The following BFSP1 variants were observed in gnomAD, a reference collection of about 807,000 sequenced individuals.
BFSP1 encodes beaded filament structural protein 1.
BFSP1 carries 38 observed loss-of-function variants against 43.9 expected under a neutral mutation model. The observed-to-expected ratio is 0.87, with a 90% CI of 0.67 to 1.14. The LOEUF is 1.14. BFSP1 is among the 50% of genes most tolerant of loss of function. The probability of loss-of-function intolerance (pLI) is 0.00; values close to 1 mark genes in which losing one functional copy is unlikely to be tolerated. For missense variants in BFSP1, 850 were observed against 875.1 expected, an observed-to-expected ratio of 0.97 and a Z score of 0.36; for synonymous variants, 352 against 354.8, an observed-to-expected ratio of 0.99 and a Z score of 0.09.
At chr20:17,537,233 A>C (rs1332502770) in intron 1 of BFSP1, among the ~76,000 whole-genome samples, 4 of 152,192 alleles carry the variant, frequency 2.6e-5, no homozygotes, top group Non-Finnish European at 5.9e-5. Context: ...AGCCATGGAA[A>C]GTGACAGCCC....
chr20:17,527,138 G>A (rs1366813010), intron 1 of BFSP1, among the ~76,000 whole-genome samples: 1 of 152,250 alleles, frequency 6.6e-6, no homozygotes. Flanking sequence ...AACCATCTGC[G>A]AAGCTGAGTT....
chr20:17,519,619 T>C (rs2123505125), intron 2 of BFSP1, among the ~76,000 whole-genome samples: 1 of 152,382 alleles, frequency 6.6e-6, no homozygotes, highest in East Asian at 1.9e-4. Context: ...CCTGTCATTC[T>C]TCCCCACCTC....
At chr20:17,541,546 C>A (rs1293459003) in intron 1 of BFSP1, among the ~76,000 whole-genome samples, 1 of 152,096 alleles carries the variant, frequency 6.6e-6, no homozygotes, top group Admixed American at 6.6e-5. Flanking sequence ...AACAGTGCAC[C>A]AGTCAGCAGA....
chr20:17,494,234 G>T lies in BFSP1; in HGVS notation c.1838C>A (p.Pro613His). The T allele has an allele frequency of 6.2e-7, 1 of 1,614,146 alleles. No homozygotes were observed. The highest frequency in any genetic ancestry group is 8.5e-7 in the Non-Finnish European group (1 of 1,180,046). The change falls in exon 8 of 8, where the codon CCT becomes CAT. Residue 613 changes from proline to histidine, a missense_variant. Coordinates refer to ENST00000377873, the MANE Select transcript of BFSP1 (RefSeq NM_001195.5). ...TRSRSLPEKGPPKALAYKTVE... is the reference protein window; with the variant it reads ...TRSRSLPEKGHPKALAYKTVE... ...TGTCTTATAGGCCAAAGCCTTGGGA[G>T]GGCCTTTTTCTGGCAGGCTTCTGCT...
In BFSP1 at chr20:17,531,161, G is replaced by A. The variant is rs1469405391; in HGVS notation, c.169C>T (p.Arg57Trp). 1 of 1,298,226 alleles carries A rather than the reference G, an allele frequency of 7.7e-7. No individual in the cohort carries two copies. Among genetic ancestry groups the A allele is most frequent in the South Asian group, 2.3e-5 (1 of 43,706 alleles). 80.4% of individuals were successfully genotyped at this position (1,298,226 alleles called of 1,614,324 possible). Reference protein sequence around the residue: ...LGERVAAHVQRARALEQRHAG... With the variant: ...LGERVAAHVQWARALEQRHAG... The stretch of plus-strand genomic sequence containing the variant: ...TGGCGCTGCTCGAGGGCGCGGGCCC[G>A]CTGGACGTGGGCGGCCACGCGCTCG... The change falls in exon 1 of 8, where the codon CGG becomes TGG. Residue 57 changes from arginine to tryptophan, a missense_variant. Arg to Trp is a moderately radical substitution (Grantham distance 101). Transcript: ENST00000377873.
Position 17,494,933 on chromosome 20 carries a change from T to A in BFSP1, c.1139A>T (p.Asp380Val). ...VPRRKEIITK[D>V]KTNGALEDAP... ...ATCTTCCAGAGCTCCGTTGGTTTTGTCTTTTGTTATAATCTCTTTTCTCCT... is the reference window on the plus strand; with the variant it reads ...ATCTTCCAGAGCTCCGTTGGTTTTGACTTTTGTTATAATCTCTTTTCTCCT... Residue 380 changes from aspartate (D) to valine (V), a missense_variant, in exon 8 of 8, where the codon GAC becomes GTC. By Grantham distance (152) the Asp-to-Val change is radical. Coordinates refer to ENST00000377873, the MANE Select transcript of BFSP1 (RefSeq NM_001195.5). 1 of 1,614,192 alleles carries A rather than the reference T, an allele frequency of 6.2e-7. No individual in the cohort carries two copies. Among genetic ancestry groups the A allele is most frequent in the African/African-American group, 1.3e-5 (1 of 75,046 alleles).
chr20:17,552,422 C>G (rs1045449847), intron 1 of BFSP1, among the ~76,000 whole-genome samples: 2 of 152,138 alleles, frequency 1.3e-5, no homozygotes, highest in African/African-American at 2.4e-5. Flanking sequence ...ACAGATCCCA[C>G]GGGATTTCTA....
chr20:17,553,432 C>T (rs1173553997), intron 1 of BFSP1, among the ~76,000 whole-genome samples: 2 of 152,134 alleles, frequency 1.3e-5, no homozygotes, highest in Admixed American at 6.6e-5. Flanking sequence ...CAATCAACAA[C>T]TTCAACAAAT....
At chr20:17,554,142 A>C (rs1212972312) in intron 1 of BFSP1, among the ~76,000 whole-genome samples, 1 of 152,104 alleles carries the variant, frequency 6.6e-6, no homozygotes, top group African/African-American at 2.4e-5. Flanking sequence ...AGAAAATATA[A>C]AAATTAGTTT....
chr20:17,568,199 G>C (rs574872465), intron 1 of BFSP1, among the ~76,000 whole-genome samples: 2 of 152,246 alleles, frequency 1.3e-5, no homozygotes, highest in African/African-American at 4.8e-5. Flanking sequence ...GGGCCAGACT[G>C]ACCTGCTGAG....
chr20:17,534,862 T>C (rs960578076), upstream of BFSP1, among the ~76,000 whole-genome samples: 4 of 151,658 alleles, frequency 2.6e-5, no homozygotes, highest in African/African-American at 9.7e-5. Context: ...CTACTAATAA[T>C]ACAAAAAATT....
chr20:17,494,633 A>C lies in BFSP1; in HGVS notation c.1439T>G (p.Val480Gly). 1 of 1,614,222 alleles carries C rather than the reference A, an allele frequency of 6.2e-7. No homozygotes were observed. The highest frequency in any genetic ancestry group is 8.5e-7 in the Non-Finnish European group (1 of 1,180,042). ...HVLVTGDANY[V>G]DPRFYVSSIT... is the part of the protein sequence containing the mutation. ...GGAGGAGACATAGAATCTAGGGTCC[A>C]CGTAATTGGCATCCCCTGTGACCAG... The change falls in exon 8 of 8, where the codon GTG becomes GGG. Residue 480 changes from valine (V) to glycine (G), a missense_variant. Transcript: ENST00000377873.
chr20:17,568,930 C>T (rs904899334), intron 1 of BFSP1, among the ~76,000 whole-genome samples: 2 of 152,058 alleles, frequency 1.3e-5, no homozygotes, highest in African/African-American at 4.8e-5. Context: ...CCTTTATTTC[C>T]CACAAAAACA....
In BFSP1 at chr20:17,516,999, G is replaced by T. The variant is rs573764508; in HGVS notation, c.439-2183C>A. ...CTTTGCTAGCAAGCAACTGGAGGAT[G>T]GATGTGCTTTGTCTGACTACAACAT... On this transcript the variant is annotated intron_variant, in intron 2 of 7. Transcript: ENST00000377873. The T allele has an allele frequency of 1.7e-5, 13 of 765,822 alleles. No homozygotes were observed. The African/African-American group carries it at 1.9e-4, about 11-fold the overall frequency. 47.4% of individuals were successfully genotyped at this position (765,822 alleles called of 1,614,324 possible). A position where few individuals can be genotyped will look rare whatever the true frequency, so the allele number is the denominator to read the frequency against.
At chr20:17,520,852 C>G (rs1432165983) in intron 2 of BFSP1, among the ~76,000 whole-genome samples, 1 of 152,214 alleles carries the variant, frequency 6.6e-6, no homozygotes, top group Non-Finnish European at 1.5e-5. Context: ...ATTTTATCCC[C>G]TAAACTCCCT....
chr20:17,524,379 C>T (rs1027351473), intron 2 of BFSP1, among the ~76,000 whole-genome samples: 2 of 152,168 alleles, frequency 1.3e-5, no homozygotes, highest in African/African-American at 4.8e-5. Flanking sequence ...GGCTATTGGT[C>T]ACGCTATAAG....
intron 7 of BFSP1, among the ~76,000 whole-genome samples, chr20:17,495,361 G>A (rs1159437968): frequency 6.6e-6 from 1 of 152,194 alleles, no homozygotes; most frequent in Non-Finnish European, 1.5e-5. Flanking sequence ...GACACTCAAT[G>A]GGAGCCCTAG....
intron 6 of BFSP1, among the ~76,000 whole-genome samples, chr20:17,498,584 C>A (rs926612421): frequency 6.6e-6 from 1 of 152,206 alleles, no homozygotes; most frequent in African/African-American, 2.4e-5. Flanking sequence ...CAAGCATTCC[C>A]CCATCACCCC....
chr20:17,510,432 G>T (rs536295719), intron 4 of BFSP1, among the ~76,000 whole-genome samples: 1 of 152,148 alleles, frequency 6.6e-6, no homozygotes, highest in Admixed American at 6.5e-5. Context: ...GAAAATTAAG[G>T]CTTCAGGAAA....
Sources: gnomAD v4.1 joint callset for allele counts (sites outside exome capture counted in the v4.1 genomes callset) on GRCh38, gnomAD v4.1.1 for gene constraint, MANE v1.5 for transcripts, NCBI Gene and HGNC (gene_info 2026-07-23, HGNC 2026-07-21) for gene names.